SUGCT: variants seen among roughly 807,000 people sequenced by gnomAD.
SUGCT encodes succinyl-CoA:glutarate-CoA transferase, also known as succinyl-CoA:glutarate CoA-transferase.
A neutral mutation model predicts 55.0 loss-of-function variants in SUGCT; 41 were observed. The ratio of observed to expected loss-of-function variants is 0.74; its 90% confidence interval spans 0.58 to 0.97. The LOEUF (loss-of-function observed/expected upper bound fraction) is 0.97. Among genes scored for constraint, SUGCT ranks in the 50% least tolerant of loss-of-function variants. SUGCT has a pLI of 0.00. For missense variants in SUGCT, 568 were observed against 547.8 expected (o/e 1.04, Z -0.37); for synonymous variants, 187 against 200.4 (o/e 0.93, Z 0.56).
chr7:40,889,752 G>A, the SUGCT span, among the ~76,000 whole-genome samples: 6 of 152,002 alleles, frequency 3.9e-5, no homozygotes, highest in Non-Finnish European at 8.8e-5. Context: ...CAGTTCTCAC[G>A]GTTCTATTCC....
At chr7:41,023,301 C>T in the SUGCT span, among the ~76,000 whole-genome samples, 1 of 152,038 alleles carries the variant, frequency 6.6e-6, no homozygotes, top group East Asian at 1.9e-4. Context: ...CATAGCCTAA[C>T]CTTACTGATG....
intron 7 of SUGCT, among the ~76,000 whole-genome samples, chr7:40,240,705 A>G (rs779688667): frequency 6.6e-6 from 1 of 152,202 alleles, no homozygotes; most frequent in Non-Finnish European, 1.5e-5. Flanking sequence ...ACTTTTCTGT[A>G]ACTGCACAGC....
Position 40,345,953 on chromosome 7 carries a change from G to GT in SUGCT, c.816+29107dup, listed in dbSNP as rs201810907. Among the ~76,000 whole-genome samples, 316 of 149,804 alleles carry GT rather than the reference G, an allele frequency of 2.1e-3. 12 individuals are homozygous for GT. In the South Asian group the frequency reaches 0.06, roughly 28 times the overall value. Reference sequence around the variant, plus strand: ...TCCTATATTGTTCTTGTTTGTTTTTGTTTTTTTTTATATTAATTTTTTGTA... The same window carrying GT: ...TCCTATATTGTTCTTGTTTGTTTTTGTTTTTTTTTTATATTAATTTTTTGTA... On this transcript the variant is annotated intron_variant, in intron 9 of 13. Coordinates refer to ENST00000335693, the MANE Select transcript of SUGCT (RefSeq NM_001193313.2).
intron 9 of SUGCT, among the ~76,000 whole-genome samples, chr7:40,438,667 C>T (rs78387035): frequency 6.6e-6 from 1 of 152,050 alleles, no homozygotes; most frequent in African/African-American, 2.4e-5. Flanking sequence ...CATTCAGAAG[C>T]AATTGTTTCT....
chr7:40,819,037 C>T (rs1188193651), intron 13 of SUGCT, among the ~76,000 whole-genome samples: 1 of 151,446 alleles, frequency 6.6e-6, no homozygotes, highest in Non-Finnish European at 1.5e-5. Flanking sequence ...CAATAGTTTG[C>T]CGAGAATGAT....
rs533629417 is a variant in SUGCT, at chr7:40,658,531, G to A, written c.1090-90903G>A. Reference sequence around the variant, plus strand: ...CCTAGATCCTTATCTGCGGGTCAGGGAACTAGCAAAGGCAGATACTCTCTT... The same window carrying A: ...CCTAGATCCTTATCTGCGGGTCAGGAAACTAGCAAAGGCAGATACTCTCTT... On this transcript the variant is annotated intron_variant, in intron 12 of 13. Coordinates refer to ENST00000335693, the MANE Select transcript of SUGCT (RefSeq NM_001193313.2). Among the ~76,000 whole-genome samples the A allele has an allele frequency of 6.8e-4, 104 of 152,138 alleles. 1 individual carries two copies. Among genetic ancestry groups the A allele is most frequent in the Middle Eastern group, 6.8e-3 (2 of 294 alleles).
chr7:40,826,516 T>G (rs192752271), intron 13 of SUGCT, among the ~76,000 whole-genome samples: 3 of 152,142 alleles, frequency 2.0e-5, no homozygotes, highest in Non-Finnish European at 4.4e-5. Context: ...TGGAAGGTAT[T>G]TGAGTTTGCT....
chr7:40,732,146 C>A (rs576861865), intron 12 of SUGCT, among the ~76,000 whole-genome samples: 1 of 152,276 alleles, frequency 6.6e-6, no homozygotes, highest in South Asian at 2.1e-4. Flanking sequence ...ATTGCACTCT[C>A]TATGAAGGCT....
intron 9 of SUGCT, among the ~76,000 whole-genome samples, chr7:40,363,081 T>C (rs1798232227): frequency 6.6e-6 from 1 of 152,160 alleles, no homozygotes; most frequent in African/African-American, 2.4e-5. Flanking sequence ...TTCTTCTAGA[T>C]TTTCTAGTTT....
intron 9 of SUGCT, among the ~76,000 whole-genome samples, chr7:40,366,598 G>A (rs558078026): frequency 1.1e-3 from 173 of 152,158 alleles, no homozygotes; most frequent in African/African-American, 4.0e-3. Flanking sequence ...TCAAAAAGTG[G>A]GCGAAGGATA....
At chr7:40,473,528 A>G (rs897323484) in intron 11 of SUGCT, among the ~76,000 whole-genome samples, 1 of 151,992 alleles carries the variant, frequency 6.6e-6, no homozygotes. Context: ...TGTTCCTTCT[A>G]TCGGTTAGCA....
At chr7:40,289,923 A>C (rs1340500077) in intron 8 of SUGCT, among the ~76,000 whole-genome samples, 1 of 152,226 alleles carries the variant, frequency 6.6e-6, no homozygotes, top group African/African-American at 2.4e-5. Context: ...GAAGAGAATA[A>C]AATACCTAGG....
intron 9 of SUGCT, among the ~76,000 whole-genome samples, chr7:40,354,781 AG>A (rs1766381613): frequency 6.6e-6 from 1 of 152,244 alleles, no homozygotes; most frequent in Admixed American, 6.5e-5. Context: ...GAAATGTGAA[AG>A]CAAAGTAGTA....
At chr7:40,753,658 T>G (rs1788124669) in intron 13 of SUGCT, among the ~76,000 whole-genome samples, 2 of 152,196 alleles carry the variant, frequency 1.3e-5, no homozygotes, top group African/African-American at 2.4e-5. Flanking sequence ...CAGAAACTTG[T>G]CTCTTAAAAA....
At chr7:40,865,553 CAG>C (rs1385117943), downstream of SUGCT, among the ~76,000 whole-genome samples, 2 of 152,188 alleles carry the variant, frequency 1.3e-5, no homozygotes, top group Admixed American at 1.3e-4. Flanking sequence ...GAATGCAGAG[CAG>C]AGTCTAGACT....
chr7:40,748,907 C>T (rs1787871657), intron 12 of SUGCT, among the ~76,000 whole-genome samples: 1 of 152,170 alleles, frequency 6.6e-6, no homozygotes, highest in Admixed American at 6.5e-5. Context: ...GTCACAGCAG[C>T]CCTGAATCCT....
chr7:40,924,294 G>GTGTGTGTGTGTGTA, the SUGCT span, among the ~76,000 whole-genome samples: 540 of 151,900 alleles, frequency 3.6e-3, 2 homozygotes, highest in African/African-American at 0.012. Context: ...GTGTGTGTGT[G>GTGTGTGTGTGTGTA]TAGTGGCATG....
At chr7:40,690,171 T>G (rs1161677698) in intron 12 of SUGCT, among the ~76,000 whole-genome samples, 1 of 152,206 alleles carries the variant, frequency 6.6e-6, no homozygotes, top group Non-Finnish European at 1.5e-5. Flanking sequence ...CATGTGGAGC[T>G]TGGGATATGG....
chr7:40,393,723 CG>C lies in SUGCT; in HGVS notation c.817-55561del, dbSNP rs139827481. 1.5e-3 allele frequency among the ~76,000 whole-genome samples: 234 copies of C among 152,210 alleles called. 1 individual carries two copies. The highest frequency in any genetic ancestry group is 5.4e-3 in the African/African-American group (226 of 41,542). ...AGATAAGTAGAGGATGGACCTTGCA[CG>C]GGTCTACAGACCCATTTCTTTCCTG... On this transcript the variant is annotated intron_variant, in intron 9 of 13. Transcript: ENST00000335693.
Sources: gnomAD v4.1 joint callset for allele counts (sites outside exome capture counted in the v4.1 genomes callset) on GRCh38, gnomAD v4.1.1 for gene constraint, MANE v1.5 for transcripts, NCBI Gene and HGNC (gene_info 2026-07-23, HGNC 2026-07-21) for gene names.